The following ZNF532 variants were observed in gnomAD, a reference collection of about 807,000 sequenced individuals.
The protein encoded by ZNF532 is zinc finger protein 532.
Under a neutral mutation model 89.3 loss-of-function variants are expected in ZNF532, and 22 were observed. That is an observed-to-expected ratio of 0.25 (90% CI 0.18 to 0.35). The LOEUF is 0.35. Among genes scored for constraint, ZNF532 ranks in the 10% least tolerant of loss-of-function variants. The pLI, the probability that ZNF532 is intolerant of heterozygous loss-of-function variation, is 1.00. For synonymous variants in ZNF532, 606 were observed against 649.6 expected, an observed-to-expected ratio of 0.93 and a Z score of 1.02; for missense variants, 1,132 against 1,643.4, an observed-to-expected ratio of 0.69 and a Z score of 5.38.
intron 3 of ZNF532, among the ~76,000 whole-genome samples, chr18:58,924,085 A>G (rs760151341): frequency 1.3e-5 from 2 of 152,100 alleles, no homozygotes; most frequent in Non-Finnish European, 2.9e-5. Context: ...TTGAACTCCT[A>G]ACCTCAAGTG....
intron 5 of ZNF532, among the ~76,000 whole-genome samples, chr18:58,943,242 C>T (rs2063362864): frequency 6.7e-6 from 1 of 150,332 alleles, no homozygotes; most frequent in Admixed American, 6.7e-5. Flanking sequence ...TCACTGCAAC[C>T]TCCGCCTCCC....
intron 2 of ZNF532, among the ~76,000 whole-genome samples, chr18:58,880,775 T>G (rs1055921185): frequency 7.5e-6 from 1 of 132,492 alleles, no homozygotes; most frequent in Non-Finnish European, 1.5e-5. Flanking sequence ...CGCGCGCGTC[T>G]GTGTGTGTGT....
chr18:58,887,386 G>C lies in ZNF532; in HGVS notation c.-18+21807G>C, dbSNP rs371529819. On this transcript the variant is annotated intron_variant, in intron 2 of 9. Transcript: ENST00000591808. ...GGAGGCTTTATATATTCAGTAAGTA[G>C]ATATTCCACTGTTCAAGAACCTTCA... Among the ~76,000 whole-genome samples, 14 of 152,326 alleles carry C rather than the reference G, an allele frequency of 9.2e-5. 1 individual carries two copies. Among genetic ancestry groups the C allele is most frequent in the Admixed American group, 7.2e-4 (11 of 15,306 alleles).
intron 2 of ZNF532, among the ~76,000 whole-genome samples, chr18:58,902,934 G>T (rs185590511): frequency 6.6e-6 from 1 of 151,998 alleles, no homozygotes; most frequent in African/African-American, 2.4e-5. Flanking sequence ...GAATCCCCTC[G>T]TTTTTCTTTT....
chr18:58,889,692 G>A (rs766121149), intron 2 of ZNF532, among the ~76,000 whole-genome samples: 52 of 152,056 alleles, frequency 3.4e-4, no homozygotes, highest in Non-Finnish European at 5.1e-4. Context: ...AGACTCTCTT[G>A]AACCCAGGGG....
chr18:58,970,258 A>G (rs941559078), intron 7 of ZNF532, among the ~76,000 whole-genome samples: 4 of 152,132 alleles, frequency 2.6e-5, no homozygotes, highest in African/African-American at 7.2e-5. Flanking sequence ...TTCTGTTTCA[A>G]TTGCTTTATG....
intron 4 of ZNF532, among the ~76,000 whole-genome samples, chr18:58,939,000 A>G (rs1384607307): frequency 6.6e-6 from 1 of 152,148 alleles, no homozygotes; most frequent in Non-Finnish European, 1.5e-5. Context: ...TAATCCCAGC[A>G]TTTTGGGAAG....
intron 7 of ZNF532, among the ~76,000 whole-genome samples, chr18:58,972,819 C>T (rs2066607821): frequency 6.6e-6 from 1 of 152,186 alleles, no homozygotes; most frequent in South Asian, 2.1e-4. Flanking sequence ...GCACTTTATC[C>T]TAAATTTGTT....
chr18:58,977,538 G>A (rs2067198649), intron 7 of ZNF532: 1 of 152,156 alleles, frequency 6.6e-6, no homozygotes, highest in East Asian at 1.9e-4. Context: ...GCGGTTATGG[G>A]AAAATGATTT....
rs1031681103 is a variant in ZNF532, at chr18:58,878,428, C to T, written c.-18+12849C>T. Among the ~76,000 whole-genome samples the T allele has an allele frequency of 5.3e-5, 8 of 152,162 alleles. No individual in the cohort carries two copies. In the East Asian group the frequency reaches 7.7e-4, roughly 15 times the overall value. ...TGCATGATGGCAGGAGTCGGCAGTC[C>T]GAAAGATCTGTGATCTGTGGTGCTG... On this transcript the variant is annotated intron_variant, in intron 2 of 9. Coordinates refer to ENST00000591808, the MANE Select transcript of ZNF532 (RefSeq NM_001375912.1).
chr18:58,958,692 C>T (rs921181823), intron 7 of ZNF532, among the ~76,000 whole-genome samples: 64 of 152,188 alleles, frequency 4.2e-4, no homozygotes, highest in Non-Finnish European at 1.3e-4. Flanking sequence ...GTCACAGATA[C>T]ACACAAGTTG....
At chr18:58,921,895 C>T (rs760783786) in intron 3 of ZNF532, among the ~76,000 whole-genome samples, 1 of 152,116 alleles carries the variant, frequency 6.6e-6, no homozygotes, top group Non-Finnish European at 1.5e-5. Flanking sequence ...TGCCTGAGCT[C>T]AGGAGTTCGA....
In ZNF532 at chr18:58,916,681, GT is replaced by G. The variant is rs370946902; in HGVS notation, c.-17-1584del. The G allele has an allele frequency of 2.7e-5, 27 of 985,280 alleles. No homozygotes were observed. In the South Asian group the frequency reaches 1.1e-3, roughly 41 times the overall value. The allele number at this position is 985,280 out of a possible 1,614,324, so 61.0% of individuals were successfully genotyped here. A position where few individuals can be genotyped will look rare whatever the true frequency, so the allele number is the denominator to read the frequency against. On this transcript the variant is annotated intron_variant, in intron 2 of 9. Transcript: ENST00000591808. ...AGTGTTGATTTCGCCTTCAACAGTA[GT>G]TTTTTCTAACCAAATTCTTCAGTGT...
intron 3 of ZNF532, among the ~76,000 whole-genome samples, chr18:58,922,215 T>C (rs1468001510): frequency 1.3e-5 from 2 of 152,176 alleles, no homozygotes; most frequent in African/African-American, 2.4e-5. Context: ...AAACTGGGCT[T>C]TCCTTTTTTT....
chr18:58,912,871 C>A (rs1313670143), intron 2 of ZNF532, among the ~76,000 whole-genome samples: 1 of 152,056 alleles, frequency 6.6e-6, no homozygotes, highest in East Asian at 1.9e-4. Context: ...GCCTGCACTT[C>A]CTAGAGAGAG....
Position 58,979,069 on chromosome 18 carries a change from C to A in ZNF532, c.3165C>A (p.His1055Gln). ...RKEHGKQMKK[H>Q]PCRQCDKSFS... ...CCTTCCTCCAGCAAATGAAGAAACA[C>A]CCCTGCCGCCAGTGTGACAAGTCTT... Residue 1055 changes from histidine (H) to glutamine (Q), a missense_variant, in exon 8 of 10, where the codon CAC becomes CAA. His to Gln is a conservative substitution (Grantham distance 24, BLOSUM62 0). Coordinates refer to ENST00000591808, the MANE Select transcript of ZNF532 (RefSeq NM_001375912.1). 6.2e-7 allele frequency: 1 copy of A among 1,611,326 alleles called. No individual in the cohort carries two copies. The highest frequency in any genetic ancestry group is 8.5e-7 in the Non-Finnish European group (1 of 1,177,814).
intron 2 of ZNF532, among the ~76,000 whole-genome samples, chr18:58,879,147 G>A (rs1331026493): frequency 1.3e-5 from 2 of 152,208 alleles, no homozygotes; most frequent in Admixed American, 6.5e-5. Flanking sequence ...TGTGAGGCAC[G>A]CCCGGCGGGG....
intron 7 of ZNF532, among the ~76,000 whole-genome samples, chr18:58,974,382 C>T (rs2066810935): frequency 6.6e-6 from 1 of 152,140 alleles, no homozygotes; most frequent in Non-Finnish European, 1.5e-5. Flanking sequence ...GAGATCTTCC[C>T]TCCATTTCTG....
Position 58,979,114 on chromosome 18 carries a change from G to T in ZNF532, c.3210G>T (p.Leu1070=). ...AGTCTTTCAGCTCGTCCCACAGCCT[G>T]TGCCGGCACAACCGGATCAAGCACA... The part of the protein sequence containing the change: ...CDKSFSSSHS[L]CRHNRIKHKG... The change falls in exon 8 of 10, where the codon CTG becomes CTT. Residue 1070 remains leucine (L), a synonymous_variant. Transcript: ENST00000591808. 1 of 1,613,492 alleles carries T rather than the reference G, an allele frequency of 6.2e-7. No individual in the cohort carries two copies. The highest frequency in any genetic ancestry group is 8.5e-7 in the Non-Finnish European group (1 of 1,179,454).
Sources: allele counts gnomAD v4.1 joint callset (sites outside exome capture counted in the v4.1 genomes callset), GRCh38; gene constraint gnomAD v4.1.1; transcripts MANE v1.5; gene names NCBI Gene and HGNC (gene_info 2026-07-23, HGNC 2026-07-21).